UTP25: variants seen among roughly 807,000 people sequenced by gnomAD.
UTP25 encodes UTP25 small subunit processome component, also known as U3 small nucleolar RNA-associated protein 25 homolog.
A neutral mutation model predicts 78.9 loss-of-function variants in UTP25; 50 were observed. The ratio of observed to expected loss-of-function variants is 0.63; its 90% confidence interval spans 0.50 to 0.80. The LOEUF is 0.80. Ranked by LOEUF, UTP25 falls within the 30% of genes least tolerant of loss-of-function variation. The pLI, the probability that UTP25 is intolerant of heterozygous loss-of-function variation, is 0.00. For synonymous variants in UTP25, 329 were observed against 336.5 expected (o/e 0.98, Z 0.24); for missense variants, 846 against 911.3 (o/e 0.93, Z 0.92).
At position 209,838,907 on chromosome 1, in the gene UTP25, A is replaced by G; in HGVS notation, c.1063-2A>G. On this transcript the variant is annotated splice_acceptor_variant, in intron 6 of 11. Coordinates refer to ENST00000491415, the MANE Select transcript of UTP25 (RefSeq NM_014388.7). LOFTEE classifies it high-confidence loss of function. Reference sequence around the variant, plus strand: ...CTAAGGCTGCTGTTGCTGTCTGCACAGGTACTGATAGTGGTGCCATTCCGG... The same window carrying G: ...CTAAGGCTGCTGTTGCTGTCTGCACGGGTACTGATAGTGGTGCCATTCCGG... 4 of 1,614,014 alleles carry G rather than the reference A, an allele frequency of 2.5e-6. No individual in the cohort carries two copies. Among genetic ancestry groups the G allele is most frequent in the Non-Finnish European group, 3.4e-6 (4 of 1,179,924 alleles).
In UTP25 at chr1:209,855,386, A is replaced by T. The variant is rs1259141463; in HGVS notation, c.*3939A>T. 1 of 152,146 alleles carries T rather than the reference A, an allele frequency of 6.6e-6. No individual in the cohort carries two copies. Among genetic ancestry groups the T allele is most frequent in the Non-Finnish European group, 1.5e-5 (1 of 68,044 alleles). The allele number at this position is 152,146 out of a possible 1,614,324, so 9.4% of individuals were successfully genotyped here. A position where few individuals can be genotyped will look rare whatever the true frequency, so the allele number is the denominator to read the frequency against. On this transcript the variant is annotated 3_prime_UTR_variant, in exon 12 of 12. Coordinates refer to ENST00000491415, the MANE Select transcript of UTP25 (RefSeq NM_014388.7). Reference sequence around the variant, plus strand: ...AGAGTAGGTCCTAGGCTCCCCTTACACCTCTGGTCACGTTGCCATTATTCC... The same window carrying T: ...AGAGTAGGTCCTAGGCTCCCCTTACTCCTCTGGTCACGTTGCCATTATTCC...
chr1:209,828,196 CCA>C, intron 1 of UTP25, 26 bp downstream of exon 1: 1 of 1,570,564 alleles, frequency 6.4e-7, no homozygotes, highest in Non-Finnish European at 8.8e-7. Context: ...GCAGGGCTCC[CCA>C]GTCGCCAGAG....
At chr1:209,843,396 G>T in intron 10 of UTP25, 55 bp from the exon 11 acceptor site, 1 of 1,595,034 alleles carries the variant, frequency 6.3e-7, no homozygotes, top group South Asian at 1.1e-5. Flanking sequence ...ACAGTTAAGA[G>T]ACACCATAAG....
rs2078265080 is a variant in UTP25 at position 209,854,999 on chromosome 1, A to G, written c.*3552A>G. 6.6e-6 allele frequency: 1 copy of G among 152,198 alleles called. No individual in the cohort carries two copies. The highest frequency in any genetic ancestry group is 1.5e-5 in the Non-Finnish European group (1 of 68,032). The allele number at this position is 152,198 out of a possible 1,614,324, so 9.4% of individuals were successfully genotyped here. ...ACACTTATTTTAAAAAGCTTTTCTG[A>G]AAGCCTGGCTACATAGAATTCTAAA... On this transcript the variant is annotated 3_prime_UTR_variant, in exon 12 of 12. Transcript: ENST00000491415.
In UTP25 at chr1:209,833,322, G is replaced by A. The variant is rs776682527; in HGVS notation, c.526G>A (p.Glu176Lys). 6.3e-7 allele frequency: 1 copy of A among 1,590,436 alleles called. No homozygotes were observed. Among genetic ancestry groups the A allele is most frequent in the Non-Finnish European group, 8.5e-7 (1 of 1,171,160 alleles). The change falls in exon 4 of 12, where the codon GAA becomes AAA. Residue 176 changes from glutamate to lysine, a missense_variant. Glu to Lys is a moderately conservative substitution (Grantham distance 56, BLOSUM62 1). Transcript: ENST00000491415. The part of the protein sequence containing the change: ...FSLETNFLEE[E>K]SGDNSSLKAS... ...CCTGGAAACCAATTTTCTGGAAGAG[G>A]AAAGTGGAGACAACTCTTCTTTGAA...
Position 209,842,383 on chromosome 1 carries a change from G to C in UTP25, c.1604G>C (p.Gly535Ala). The C allele has an allele frequency of 6.2e-7, 1 of 1,614,118 alleles. No individual in the cohort carries two copies. The highest frequency in any genetic ancestry group is 2.2e-5 in the East Asian group (1 of 44,882). Residue 535 changes from glycine (G) to alanine (A), a missense_variant, in exon 9 of 12, where the codon GGG becomes GCG. Coordinates refer to ENST00000491415, the MANE Select transcript of UTP25 (RefSeq NM_014388.7). ...TACTATCGCCAGACACTGCTATTTGGGGCCCTTCAGGATGCCCAGATCAAC... is the reference window on the plus strand; with the variant it reads ...TACTATCGCCAGACACTGCTATTTGCGGCCCTTCAGGATGCCCAGATCAAC... ...SKYYRQTLLF[G>A]ALQDAQINSV...
At position 209,855,169 on chromosome 1, in the gene UTP25, G is replaced by C. The variant is rs2078266810; in HGVS notation, c.*3722G>C. The C allele has an allele frequency of 6.6e-6, 1 of 152,096 alleles. No homozygotes were observed. Among genetic ancestry groups the C allele is most frequent in the Non-Finnish European group, 1.5e-5 (1 of 68,012 alleles). The allele number at this position is 152,096 out of a possible 1,614,324, so 9.4% of individuals were successfully genotyped here. On this transcript the variant is annotated 3_prime_UTR_variant, in exon 12 of 12. Coordinates refer to ENST00000491415, the MANE Select transcript of UTP25 (RefSeq NM_014388.7). ...TCATTTCCTCCCAAGCAAACCCCGC[G>C]ACGTTCAGCCGTCTTCCTCCTATGC...
rs1267354001 is a variant in UTP25 at position 209,852,520 on chromosome 1, T to A, written c.*1073T>A. The A allele has an allele frequency of 6.6e-6, 1 of 152,230 alleles. No individual in the cohort carries two copies. Among genetic ancestry groups the A allele is most frequent in the African/African-American group, 2.4e-5 (1 of 41,462 alleles). 9.4% of individuals were successfully genotyped at this position (152,230 alleles called of 1,614,324 possible). On this transcript the variant is annotated 3_prime_UTR_variant, in exon 12 of 12. Transcript: ENST00000491415. ...TTTTATTCAATGGGTTACGGTTTGT[T>A]ACATCATTATTTCTTTAGATGCGTA...
chr1:209,850,325 T>A (rs1261504449), intron 11 of UTP25, among the ~76,000 whole-genome samples: 1 of 152,062 alleles, frequency 6.6e-6, no homozygotes, highest in East Asian at 1.9e-4. Context: ...ACATAATAGA[T>A]CACAGTCATG....
intron 3 of UTP25, 43 bp downstream of exon 3, chr1:209,831,086 T>C (rs2078101084): frequency 6.2e-7 from 1 of 1,603,824 alleles, no homozygotes; most frequent in East Asian, 2.2e-5. Context: ...GCCAGAACTA[T>C]AGACAGTTCA....
intron 11 of UTP25, among the ~76,000 whole-genome samples, chr1:209,849,975 T>C (rs2078221660): frequency 6.6e-6 from 1 of 152,124 alleles, no homozygotes; most frequent in African/African-American, 2.4e-5. Flanking sequence ...CAGCATGACA[T>C]TGGTAGCTTG....
At chr1:209,830,439 G>A (rs1468287354) in intron 2 of UTP25, among the ~76,000 whole-genome samples, 1 of 149,780 alleles carries the variant, frequency 6.7e-6, no homozygotes, top group Non-Finnish European at 1.5e-5. Flanking sequence ...TTTTTGGTTA[G>A]CATAAAGGAG....
rs949005559 is a variant in UTP25 at position 209,857,390 on chromosome 1, G to A, written c.*5943G>A. ...TAATCTTATTAAAAAAGCAACCCAT[G>A]CCCATTCCACAAATACAAGTGAAAT... is the stretch of plus-strand genomic sequence containing the variant. On this transcript the variant is annotated 3_prime_UTR_variant, in exon 12 of 12. Coordinates refer to ENST00000491415, the MANE Select transcript of UTP25 (RefSeq NM_014388.7). The A allele has an allele frequency of 3.3e-5, 5 of 151,380 alleles. No individual in the cohort carries two copies. Among genetic ancestry groups the A allele is most frequent in the Non-Finnish European group, 7.4e-5 (5 of 67,910 alleles). 9.4% of individuals were successfully genotyped at this position (151,380 alleles called of 1,614,324 possible).
At chr1:209,848,003 C>T (rs951616804) in intron 11 of UTP25, among the ~76,000 whole-genome samples, 3 of 152,164 alleles carry the variant, frequency 2.0e-5, no homozygotes, top group Non-Finnish European at 4.4e-5. Context: ...GTCTCACAGT[C>T]TGGATTTATC....
chr1:209,831,650 G>A (rs551039782), intron 3 of UTP25, among the ~76,000 whole-genome samples: 1 of 152,106 alleles, frequency 6.6e-6, no homozygotes, highest in East Asian at 1.9e-4. Flanking sequence ...TTTGACAAAG[G>A]TATACATCCA....
chr1:209,843,999 A>G, intron 11 of UTP25: 1 of 289,506 alleles, frequency 3.5e-6, no homozygotes, highest in Non-Finnish European at 6.5e-6. Context: ...TCAAATGAAT[A>G]CAAGGAAGGG....
intron 2 of UTP25, 25 bp downstream of exon 2, chr1:209,830,172 A>G (rs1307693491): frequency 6.2e-7 from 1 of 1,604,482 alleles, no homozygotes. Flanking sequence ...CTTCTTTTTA[A>G]TAGTTGGTTT....
In UTP25 at chr1:209,854,120, GA is replaced by G. The variant is rs1350941267; in HGVS notation, c.*2675del. On this transcript the variant is annotated 3_prime_UTR_variant, in exon 12 of 12. Coordinates refer to ENST00000491415, the MANE Select transcript of UTP25 (RefSeq NM_014388.7). ...TACTGAAATACGGATGCGTGAGCTGGAATTACACACTACCTTGATGTTAACA... is the reference window on the plus strand; with the variant it reads ...TACTGAAATACGGATGCGTGAGCTGGATTACACACTACCTTGATGTTAACA... The G allele has an allele frequency of 5.9e-5, 9 of 152,144 alleles. No homozygotes were observed. The highest frequency in any genetic ancestry group is 2.0e-4 in the Admixed American group (3 of 15,270). 9.4% of individuals were successfully genotyped at this position (152,144 alleles called of 1,614,324 possible).
Position 209,855,109 on chromosome 1 carries a change from G to T in UTP25, c.*3662G>T, listed in dbSNP as rs2357231. 73,890 of 152,046 alleles carry T rather than the reference G, an allele frequency of 0.49. 19,184 individuals are homozygous for T. Among genetic ancestry groups the T allele is most frequent in the African/African-American group, 0.66 (27,188 of 41,444 alleles). The allele number at this position is 152,046 out of a possible 1,614,324, so 9.4% of individuals were successfully genotyped here. A position where few individuals can be genotyped will look rare whatever the true frequency, so the allele number is the denominator to read the frequency against. ...CAAAATTGATGTAAGCATTGGAAGG[G>T]GAAAGAGGGAACGCTTCTTTCCCTC... On this transcript the variant is annotated 3_prime_UTR_variant, in exon 12 of 12. Transcript: ENST00000491415.
Sources: allele counts gnomAD v4.1 joint callset (sites outside exome capture counted in the v4.1 genomes callset), GRCh38; gene constraint gnomAD v4.1.1; transcripts MANE v1.5; gene names NCBI Gene and HGNC (gene_info 2026-07-23, HGNC 2026-07-21).